LDLRAP1: variants seen among roughly 807,000 people sequenced by gnomAD.
LDLRAP1 encodes low density lipoprotein receptor adapter protein 1.
Under a neutral mutation model 37.8 loss-of-function variants are expected in LDLRAP1, and 30 were observed. The ratio of observed to expected loss-of-function variants is 0.79; its 90% CI spans 0.59 to 1.08. The LOEUF (loss-of-function observed/expected upper bound fraction) is 1.08. LDLRAP1 is among the 50% of genes least tolerant of loss of function. The probability of loss-of-function intolerance (pLI) is 0.00; values close to 1 mark genes in which losing one functional copy is unlikely to be tolerated. For synonymous variants in LDLRAP1, 156 were observed against 169.8 expected (o/e 0.92, Z 0.63); for missense variants, 375 against 401.6 (o/e 0.93, Z 0.57).
rs920192236 is a variant in LDLRAP1 at position 25,566,908 on chromosome 1, G to A, written c.843G>A (p.Met281Ile). ...VLDTGLTAQD[M>I]HYAQCLSPVD... Reference sequence around the variant, plus strand: ...ACACTGGCCTGACAGCCCAGGACATGCATTACGCCCAGTGCCTCTCGCCTG... The same window carrying A: ...ACACTGGCCTGACAGCCCAGGACATACATTACGCCCAGTGCCTCTCGCCTG... Residue 281 changes from methionine to isoleucine, a missense_variant, in exon 9 of 9, where the codon ATG becomes ATA. Met to Ile is a conservative substitution (Grantham distance 10, BLOSUM62 1). Coordinates refer to ENST00000374338, the MANE Select transcript of LDLRAP1 (RefSeq NM_015627.3). The A allele has an allele frequency of 1.9e-6, 3 of 1,613,320 alleles. No individual in the cohort carries two copies. Among genetic ancestry groups the A allele is most frequent in the African/African-American group, 2.7e-5 (2 of 74,926 alleles).
At chr1:25,577,144 G>A in the LDLRAP1 span, among the ~76,000 whole-genome samples, 2 of 152,204 alleles carry the variant, frequency 1.3e-5, no homozygotes, top group African/African-American at 2.4e-5. Context: ...TGTCCTGAAC[G>A]CTGCTTTATT....
chr1:25,557,110 G>T (rs752617116), intron 3 of LDLRAP1, 43 bp from the exon 4 acceptor site: 1 of 1,464,974 alleles, frequency 6.8e-7, no homozygotes, highest in Non-Finnish European at 9.6e-7. Flanking sequence ...ATGTGCTCAG[G>T]CCCCTGTGCC....
At chr1:25,571,078 C>T (rs2044598641), downstream of LDLRAP1, among the ~76,000 whole-genome samples, 2 of 152,212 alleles carry the variant, frequency 1.3e-5, no homozygotes, top group South Asian at 4.1e-4. Flanking sequence ...GACCCCAGCG[C>T]TCCGGATTTC....
chr1:25,589,162 G>C, the LDLRAP1 span, among the ~76,000 whole-genome samples: 1 of 152,088 alleles, frequency 6.6e-6, no homozygotes, highest in Non-Finnish European at 1.5e-5. Context: ...AAATTAGCCA[G>C]GCGTGGTGGC....
At chr1:25,571,396 CAGTG>C (rs2044603266), downstream of LDLRAP1, among the ~76,000 whole-genome samples, 2 of 152,376 alleles carry the variant, frequency 1.3e-5, no homozygotes, top group East Asian at 3.9e-4. Flanking sequence ...GTGGGGCCCA[CAGTG>C]AGCATTGGTG....
chr1:25,562,539 G>A (rs1446103000), intron 4 of LDLRAP1, 105 bp from the exon 5 acceptor site: 9 of 915,828 alleles, frequency 9.8e-6, no homozygotes, highest in Non-Finnish European at 1.6e-5. Flanking sequence ...GAAGCTGCAG[G>A]GAGGGAGCCA....
rs925483821 is a variant in LDLRAP1 at position 25,543,723 on chromosome 1, C to T, written c.25C>T (p.Arg9Trp). 5.8e-6 allele frequency: 7 copies of T among 1,213,752 alleles called. No individual in the cohort carries two copies. In the East Asian group the frequency reaches 2.3e-4, roughly 40 times the overall value. 75.2% of individuals were successfully genotyped at this position (1,213,752 alleles called of 1,614,324 possible). A position where few individuals can be genotyped will look rare whatever the true frequency, so the allele number is the denominator to read the frequency against. Reference protein sequence around the residue: MDALKSAGRALIRSPSLAK... With the variant: MDALKSAGWALIRSPSLAK... ...CATGGACGCGCTCAAGTCGGCGGGG[C>T]GGGCGCTGATCCGGAGCCCCAGCTT... Residue 9 changes from arginine to tryptophan, a missense_variant, in exon 1 of 9, where the codon CGG becomes TGG. By Grantham distance (101) the Arg-to-Trp change is moderately radical (BLOSUM62 -3). Transcript: ENST00000374338.
intron 8 of LDLRAP1, among the ~76,000 whole-genome samples, chr1:25,565,525 C>T (rs1050063767): frequency 1.3e-5 from 2 of 151,220 alleles, no homozygotes; most frequent in African/African-American, 4.9e-5. Context: ...CTTGAGGAGG[C>T]GTGGCCTTCA....
Position 25,555,153 on chromosome 1 carries a change from G to A in LDLRAP1, c.344+181G>A, listed in dbSNP as rs889409623. Among the ~76,000 whole-genome samples, 14 of 152,216 alleles carry A rather than the reference G, an allele frequency of 9.2e-5. No individual in the cohort carries two copies. The highest frequency in any genetic ancestry group is 2.7e-4 in the African/African-American group (11 of 41,460). ...ACAGCGCTGTTAGGAAACGTGGAGT[G>A]CACGGCACCTGGCTCATGATGAGCA... On this transcript the variant is annotated intron_variant, in intron 3 of 8. Coordinates refer to ENST00000374338, the MANE Select transcript of LDLRAP1 (RefSeq NM_015627.3). This position sits in a 1 kb window ranked among gnomAD's most constrained non-coding sequence, Gnocchi z 4.7.
rs2044402416 is a variant in LDLRAP1, at chr1:25,563,693, G to T, written c.649G>T (p.Glu217Ter). Residue 217 changes from glutamate to a stop codon, truncating the protein, a stop_gained, in exon 7 of 9, where the codon GAG becomes TAG. Coordinates refer to ENST00000374338, the MANE Select transcript of LDLRAP1 (RefSeq NM_015627.3). LOFTEE classifies it high-confidence loss of function. ...CACTGGGAACCTGCTGGACTTAGAG[G>T]AGACAGCTAAGGCCCCGCTGTCCAC... ...VATGNLLDLE[E>*]TAKAPLSTVS... 1 of 1,613,940 alleles carries T rather than the reference G, an allele frequency of 6.2e-7. No individual in the cohort carries two copies.
At chr1:25,550,370 G>GT (rs2044045325) in intron 1 of LDLRAP1, among the ~76,000 whole-genome samples, 1 of 152,216 alleles carries the variant, frequency 6.6e-6, no homozygotes, top group East Asian at 1.9e-4. Context: ...AGGCCTTGCT[G>GT]TTAACCACGA....
chr1:25,546,433 A>G (rs1421243735), intron 1 of LDLRAP1, among the ~76,000 whole-genome samples: 1 of 152,164 alleles, frequency 6.6e-6, no homozygotes, highest in African/African-American at 2.4e-5. Context: ...ACCCAGCTTC[A>G]TGCCTGCAGT....
the LDLRAP1 span, among the ~76,000 whole-genome samples, chr1:25,588,848 T>C: frequency 6.6e-5 from 10 of 152,150 alleles, no homozygotes; most frequent in Non-Finnish European, 1.2e-4. Context: ...TGTTTTTCCG[T>C]CTTAAAGTGG....
At chr1:25,552,687 C>T (rs549992696) in intron 1 of LDLRAP1, among the ~76,000 whole-genome samples, 1 of 152,286 alleles carries the variant, frequency 6.6e-6, no homozygotes, top group Non-Finnish European at 1.5e-5. Context: ...GTCCTCCTTC[C>T]GAGGAGCCGG....
downstream of LDLRAP1, among the ~76,000 whole-genome samples, chr1:25,572,494 G>T (rs1411939326): frequency 6.6e-6 from 1 of 152,176 alleles, no homozygotes. Flanking sequence ...CAAGATCTTG[G>T]TTTTCATGCT....
Position 25,555,011 on chromosome 1 carries a change from T to A in LDLRAP1, c.344+39T>A. 5 of 1,424,650 alleles carry A rather than the reference T, an allele frequency of 3.5e-6. No individual in the cohort carries two copies. The highest frequency in any genetic ancestry group is 5.0e-6 in the Non-Finnish European group (5 of 1,008,738). The allele number at this position is 1,424,650 out of a possible 1,614,324, so 88.3% of individuals were successfully genotyped here. A position where few individuals can be genotyped will look rare whatever the true frequency, so the allele number is the denominator to read the frequency against. ...GGGGTTGGCCCATCCACTCTGCCAC[T>A]TGGGGCAGTGGGTGGAGTATCCCAT... On this transcript the variant is annotated intron_variant, in intron 3 of 8. Transcript: ENST00000374338. This position sits in a 1 kb window ranked among gnomAD's most constrained non-coding sequence, Gnocchi z 4.7.
chr1:25,571,960 TG>T (rs2044610275), downstream of LDLRAP1, among the ~76,000 whole-genome samples: 1 of 152,178 alleles, frequency 6.6e-6, no homozygotes, highest in South Asian at 2.1e-4. Flanking sequence ...TTATAGTTCA[TG>T]GTGCCCTGGA....
At chr1:25,584,997 T>G in the LDLRAP1 span, among the ~76,000 whole-genome samples, 10 of 152,046 alleles carry the variant, frequency 6.6e-5, no homozygotes, top group Non-Finnish European at 1.3e-4. Context: ...CTTTTGTAGG[T>G]CAGACCAGGT....
intron 7 of LDLRAP1, 114 bp downstream of exon 7, chr1:25,563,905 AC>A: frequency 2.1e-6 from 3 of 1,399,784 alleles, no homozygotes; most frequent in Non-Finnish European, 3.0e-6. Context: ...CTCTGGGAGG[AC>A]CAGACCCAGC....
Sources: gnomAD v4.1 joint callset for allele counts (sites outside exome capture counted in the v4.1 genomes callset) on GRCh38, gnomAD v4.1.1 for gene constraint, Gnocchi (gnomAD v3.1) non-coding constraint, MANE v1.5 for transcripts, NCBI Gene and HGNC (gene_info 2026-07-23, HGNC 2026-07-21) for gene names.